The following TAF1 variants were observed in gnomAD, a reference collection of about 807,000 sequenced individuals.
TAF1 encodes TATA-box binding protein associated factor 1, also known as transcription initiation factor TFIID subunit 1.
Under a neutral mutation model 138.5 loss-of-function variants are expected in TAF1, and 2 were observed. That is an observed-to-expected ratio of 0.01 (90% confidence interval 0.01 to 0.05). The LOEUF is 0.05. TAF1 is among the 10% of genes least tolerant of loss of function. The pLI is 1.00. For missense variants in TAF1, 709 were observed against 1,478.0 expected, an observed-to-expected ratio of 0.48 and a Z score of 8.53; for synonymous variants, 437 against 503.2, an observed-to-expected ratio of 0.87 and a Z score of 1.76.
intron 29 of TAF1, among the ~76,000 whole-genome samples, chrX:71,422,679 C>G (rs773778228): frequency 2.7e-5 from 3 of 110,755 alleles, no homozygotes; most frequent in Non-Finnish European, 5.7e-5. Context: ...CAAAGTTACA[C>G]TTTCTGGGGC....
Position 71,452,164 on chromosome X carries a change from C to A in TAF1, c.4754-2006C>A, listed in dbSNP as rs1235038596. ...GCGGCTGGCCGGGCGGGGGGCTGAC[C>A]CCCCCACCTCCCTCCTGGACGGGGT... On this transcript the variant is annotated intron_variant, in intron 32 of 37. Coordinates refer to ENST00000423759, the MANE Select transcript of TAF1 (RefSeq NM_004606.5). Among the ~76,000 whole-genome samples the A allele has an allele frequency of 2.4e-4, 26 of 107,878 alleles. No individual in the cohort carries two copies. In the South Asian group the frequency reaches 0.011, roughly 44 times the overall value. 93.7% of individuals were successfully genotyped at this position (107,878 alleles called of 115,157 possible).
intron 32 of TAF1, among the ~76,000 whole-genome samples, chrX:71,444,530 G>A (rs1186951660): frequency 9.1e-6 from 1 of 110,392 alleles, no homozygotes; most frequent in Non-Finnish European, 1.9e-5. Flanking sequence ...ACCAGCCTAC[G>A]CAATATAGTG....
At chrX:71,389,713 T>G (rs756704298) in intron 18 of TAF1, 48 bp downstream of exon 18, 2 of 1,001,616 alleles carry the variant, frequency 2.0e-6, no homozygotes, top group Admixed American at 5.5e-5. Context: ...ATCTCATTTA[T>G]CCTTTTAAAA....
intron 13 of TAF1, chrX:71,528,413 C>T (rs2040037895): frequency 1.5e-5 from 4 of 261,766 alleles, no homozygotes; most frequent in African/African-American, 1.1e-4. Flanking sequence ...CAGACACACA[C>T]ATAGACAACT....
intron 22 of TAF1, 145 bp from the exon 23 acceptor site, chrX:71,397,108 C>T (rs1459637094): frequency 5.6e-6 from 3 of 539,202 alleles, no homozygotes; most frequent in African/African-American, 2.4e-5. Flanking sequence ...TCAGCATATT[C>T]TTGGGGCTGA....
chrX:71,393,609 G>C (rs1050269322), intron 21 of TAF1, 133 bp downstream of exon 21: 2 of 896,804 alleles, frequency 2.2e-6, no homozygotes, highest in African/African-American at 4.1e-5. Flanking sequence ...TGTCAGGGTA[G>C]TATATGTTTG....
At chrX:71,510,628 C>T (rs1309986270) in intron 13 of TAF1, among the ~76,000 whole-genome samples, 1 of 111,959 alleles carries the variant, frequency 8.9e-6, no homozygotes, top group Non-Finnish European at 1.9e-5. Context: ...GTAGAACATT[C>T]AGATATAGAT....
Position 71,454,736 on chromosome X carries a change from C to T in TAF1, c.4822-5C>T, listed in dbSNP as rs375368259. On this transcript the variant is annotated splice_polypyrimidine_tract_variant and splice_region_variant and intron_variant, in intron 33 of 37. Coordinates refer to ENST00000423759, the MANE Select transcript of TAF1 (RefSeq NM_004606.5). ...TTGAATGAATTTATTTTCTTTGTTT[C>T]TCAGTATGATGAACATTTGACTCAA... The T allele has an allele frequency of 7.5e-6, 9 of 1,193,551 alleles. No homozygotes were observed. Among genetic ancestry groups the T allele is most frequent in the Non-Finnish European group, 1.0e-5 (9 of 885,920 alleles).
At chrX:71,485,835 A>C (rs780745730) in intron 13 of TAF1, among the ~76,000 whole-genome samples, 1 of 110,958 alleles carries the variant, frequency 9.0e-6, no homozygotes, top group African/African-American at 3.3e-5. Context: ...TAATGCACAA[A>C]ATTTTTAATT....
At chrX:71,379,108 T>A in intron 8 of TAF1, 77 bp downstream of exon 8, 10 of 597,109 alleles carry the variant, frequency 1.7e-5, no homozygotes, top group Admixed American at 5.5e-5. Context: ...AGCTGTGATT[T>A]TTTTTTTTTT....
chrX:71,370,354 C>T (rs2032956185), intron 3 of TAF1, among the ~76,000 whole-genome samples: 1 of 110,904 alleles, frequency 9.0e-6, no homozygotes, highest in Non-Finnish European at 1.9e-5. Context: ...GACTCCCCCA[C>T]CCCACCCCAC....
chrX:71,427,874 G>A (rs2036670441), intron 32 of TAF1, among the ~76,000 whole-genome samples: 1 of 103,981 alleles, frequency 9.6e-6, no homozygotes, highest in Non-Finnish European at 2.0e-5. Context: ...GGGAGGTAGA[G>A]GTTGCGGTGA....
Position 71,377,718 on chromosome X carries a change from A to T in TAF1, c.830A>T (p.Gln277Leu), listed in dbSNP as rs150416138. 197 of 1,209,769 alleles carry T rather than the reference A, an allele frequency of 1.6e-4. No individual in the cohort carries two copies. The African/African-American group carries it at 2.9e-3, about 18-fold the overall frequency. ...HRELIQEEQI[Q>L]EVECSVESEV... ...GAGCTGATACAGGAAGAGCAGATCC[A>T]GGAGGTGGAGTGCTCAGTAGAATCA... The change falls in exon 6 of 38, where the codon CAG becomes CTG. Residue 277 changes from glutamine (Q) to leucine (L), a missense_variant. Physicochemically the swap from Gln to Leu is moderately radical, Grantham distance 113. This residue lies in a region of TAF1 where 26 missense variants were observed against 20.9 expected (regional missense o/e 1.25). Transcript: ENST00000423759.
At chrX:71,500,708 A>G (rs146595827) in intron 13 of TAF1, among the ~76,000 whole-genome samples, 1,601 of 107,713 alleles carry the variant, frequency 0.015, 34 homozygotes, top group African/African-American at 0.052. Flanking sequence ...TCAAAAACCT[A>G]TTAGAGTCCT....
At chrX:71,466,617 A>G (rs1050696682), downstream of TAF1, 2 of 112,248 alleles carry the variant, frequency 1.8e-5, no homozygotes, top group African/African-American at 6.5e-5. Context: ...ACCTCAGAGG[A>G]TCCGCCCGCC....
chrX:71,417,312 G>A (rs2036067702), intron 28 of TAF1, among the ~76,000 whole-genome samples: 1 of 110,480 alleles, frequency 9.1e-6, no homozygotes, highest in Admixed American at 9.7e-5. Context: ...TACTAATTGT[G>A]GCCCCTCAAC....
At chrX:71,447,315 G>A (rs898345476) in intron 32 of TAF1, among the ~76,000 whole-genome samples, 10 of 111,160 alleles carry the variant, frequency 9.0e-5, no homozygotes, top group African/African-American at 3.3e-4. Flanking sequence ...AGGGAAACAT[G>A]AGCCTAGGAG....
At chrX:71,375,641 A>G (rs747547354) in intron 4 of TAF1, among the ~76,000 whole-genome samples, 1 of 111,646 alleles carries the variant, frequency 9.0e-6, no homozygotes, top group African/African-American at 3.2e-5. Flanking sequence ...AAATTAATTA[A>G]AATTTTTTTG....
intron 6 of TAF1, 23 bp downstream of exon 6, chrX:71,377,844 A>C (rs370832087): frequency 3.4e-6 from 4 of 1,167,600 alleles, no homozygotes; most frequent in Non-Finnish European, 4.6e-6. Context: ...GAGACCTGAG[A>C]TTAAGGCCTA....
Sources: gnomAD v4.1 joint callset for allele counts (sites outside exome capture counted in the v4.1 genomes callset) on GRCh38, gnomAD v4.1.1 for gene constraint, gnomAD v4.1.1 regional missense constraint, MANE v1.5 for transcripts, NCBI Gene and HGNC (gene_info 2026-07-23, HGNC 2026-07-21) for gene names.